Variants in UGT1A7 observed in about 807,000 individuals in gnomAD.
UGT1A7 encodes UDP-glucuronosyltransferase 1A7.
UGT1A7 carries 33 observed loss-of-function variants against 45.6 expected under a neutral mutation model. The observed-to-expected ratio is 0.72, with a 90% confidence interval of 0.55 to 0.97. The LOEUF is 0.97. Among genes scored for constraint, UGT1A7 ranks in the 50% least tolerant of loss-of-function variants. The pLI is 0.00. For missense variants in UGT1A7, 684 were observed against 666.2 expected, an observed-to-expected ratio of 1.03 and a Z score of -0.29; for synonymous variants, 274 against 250.6, an observed-to-expected ratio of 1.09 and a Z score of -0.88.
At chr2:233,697,299 A>G (rs570191835) in intron 1 of UGT1A7, among the ~76,000 whole-genome samples, 2 of 152,014 alleles carry the variant, frequency 1.3e-5, no homozygotes, top group African/African-American at 4.8e-5. Flanking sequence ...TCTTCATTCA[A>G]TCTTGGTAGA....
chr2:233,711,956 A>G (rs2076206805), intron 1 of UGT1A7, among the ~76,000 whole-genome samples: 1 of 152,196 alleles, frequency 6.6e-6, no homozygotes, highest in African/African-American at 2.4e-5. Context: ...TTAATTCTCC[A>G]TTTTGAAATT....
At position 233,750,184 on chromosome 2, in the gene UGT1A7, G is replaced by A. The variant is rs569592101; in HGVS notation, c.856-16850G>A. Among the ~76,000 whole-genome samples, 93 of 151,970 alleles carry A rather than the reference G, an allele frequency of 6.1e-4. 1 individual carries two copies. The South Asian group carries it at 0.019, about 32-fold the overall frequency. ...TTTTGACCAAAATGCTGATAATGTT[G>A]TGGACAATGAAGTCCAGGCTGAGTC... is the stretch of plus-strand genomic sequence containing the variant. On this transcript the variant is annotated intron_variant, in intron 1 of 4. Transcript: ENST00000373426.
intron 1 of UGT1A7, among the ~76,000 whole-genome samples, chr2:233,689,138 C>T (rs2074928590): frequency 6.6e-6 from 1 of 152,202 alleles, no homozygotes; most frequent in South Asian, 2.1e-4. Flanking sequence ...TTACAAGCCC[C>T]TGAAGGAAGT....
intron 1 of UGT1A7, among the ~76,000 whole-genome samples, chr2:233,699,450 A>G (rs1488653685): frequency 6.6e-6 from 1 of 152,212 alleles, no homozygotes; most frequent in African/African-American, 2.4e-5. Context: ...TGTTTTCCTT[A>G]GAACAAAGGA....
intron 1 of UGT1A7, among the ~76,000 whole-genome samples, chr2:233,748,531 T>G (rs1693967271): frequency 6.6e-6 from 1 of 151,738 alleles, no homozygotes; most frequent in African/African-American, 2.4e-5. Flanking sequence ...GATAGAGAGG[T>G]GACCACAGGA....
chr2:233,718,971 C>T (rs1342997030), intron 1 of UGT1A7: 5 of 1,614,090 alleles, frequency 3.1e-6, no homozygotes, highest in Middle Eastern at 1.6e-4. Context: ...CTTGCGGGAG[C>T]TCCATGCCAG....
In UGT1A7 at chr2:233,744,645, G is replaced by A. The variant is rs1382975794; in HGVS notation, c.856-22389G>A. 2.0e-5 allele frequency among the ~76,000 whole-genome samples: 3 copies of A among 151,982 alleles called. No homozygotes were observed. In the East Asian group the frequency reaches 5.8e-4, roughly 29 times the overall value. Reference sequence around the variant, plus strand: ...GAGGTGGATTCTCATGTCAGCTTCTGTATTCAATCTACTGTGATATTACAC... The same window carrying A: ...GAGGTGGATTCTCATGTCAGCTTCTATATTCAATCTACTGTGATATTACAC... On this transcript the variant is annotated intron_variant, in intron 1 of 4. Coordinates refer to ENST00000373426, the MANE Select transcript of UGT1A7 (RefSeq NM_019077.3).
chr2:233,704,137 C>T (rs562114824), intron 1 of UGT1A7, among the ~76,000 whole-genome samples: 13 of 152,058 alleles, frequency 8.5e-5, no homozygotes, highest in South Asian at 8.3e-4. Context: ...GTGATCCACC[C>T]GCCTCAGCCT....
chr2:233,766,201 G>C (rs544565545), intron 1 of UGT1A7, among the ~76,000 whole-genome samples: 1 of 152,254 alleles, frequency 6.6e-6, no homozygotes, highest in East Asian at 1.9e-4. Flanking sequence ...CTCAGCAGAT[G>C]GGGGAAGCCA....
intron 1 of UGT1A7, chr2:233,729,169 G>A: frequency 1.2e-6 from 2 of 1,613,744 alleles, no homozygotes; most frequent in Non-Finnish European, 1.7e-6. Flanking sequence ...GCTGGCCACA[G>A]GACTGCTGCT....
At chr2:233,722,817 G>C (rs1300822952) in intron 1 of UGT1A7, among the ~76,000 whole-genome samples, 1 of 147,336 alleles carries the variant, frequency 6.8e-6, no homozygotes, top group Admixed American at 6.7e-5. Flanking sequence ...ATTTTTTCAA[G>C]TTATTTTGTA....
chr2:233,743,601 C>G (rs201940151), intron 1 of UGT1A7: 4 of 1,367,294 alleles, frequency 2.9e-6, no homozygotes, highest in Middle Eastern at 2.1e-4. Flanking sequence ...GGGTCCTGGC[C>G]GCCGAAGAAC....
chr2:233,742,226 C>T (rs1013770254), intron 1 of UGT1A7, among the ~76,000 whole-genome samples: 6 of 151,818 alleles, frequency 4.0e-5, no homozygotes, highest in Admixed American at 6.5e-5. Flanking sequence ...GGCTGAGAGC[C>T]CCAAACAGAG....
chr2:233,713,177 C>G, intron 1 of UGT1A7: 1 of 1,614,182 alleles, frequency 6.2e-7, no homozygotes, highest in Non-Finnish European at 8.5e-7. Context: ...TGGTCCTCAC[C>G]CTGGAGGTGA....
chr2:233,766,304 C>T (rs1472747158), intron 1 of UGT1A7, among the ~76,000 whole-genome samples: 4 of 151,950 alleles, frequency 2.6e-5, no homozygotes, highest in Non-Finnish European at 4.4e-5. Context: ...GGCTCTCCTC[C>T]GACTGCCTCA....
At chr2:233,760,969 TC>T in intron 1 of UGT1A7, 1 of 1,614,196 alleles carries the variant, frequency 6.2e-7, no homozygotes, top group Admixed American at 1.7e-5. Context: ...CGTGGTTTAT[TC>T]CCCGTATGCA....
intron 1 of UGT1A7, among the ~76,000 whole-genome samples, chr2:233,686,742 C>T (rs2074802752): frequency 6.6e-6 from 1 of 152,192 alleles, no homozygotes; most frequent in Non-Finnish European, 1.5e-5. Flanking sequence ...TCTTGCCTTC[C>T]CTAGCCTCAC....
chr2:233,712,342 C>T (rs2076227848), intron 1 of UGT1A7, among the ~76,000 whole-genome samples: 1 of 152,212 alleles, frequency 6.6e-6, no homozygotes, highest in Admixed American at 6.5e-5. Context: ...CTGATCATCA[C>T]ATCTTGAGCT....
At chr2:233,716,351 A>G (rs1258886515) in intron 1 of UGT1A7, among the ~76,000 whole-genome samples, 2 of 152,232 alleles carry the variant, frequency 1.3e-5, no homozygotes, top group Non-Finnish European at 2.9e-5. Flanking sequence ...ACTACAATGT[A>G]GATACTTTGT....
Sources: allele counts gnomAD v4.1 joint callset (sites outside exome capture counted in the v4.1 genomes callset), GRCh38; gene constraint gnomAD v4.1.1; transcripts MANE v1.5; gene names NCBI Gene and HGNC (gene_info 2026-07-23, HGNC 2026-07-21).